ROBO1: variants seen among roughly 807,000 people sequenced by gnomAD.
ROBO1 encodes the protein roundabout guidance receptor 1, also known as roundabout homolog 1.
A neutral mutation model predicts 195.9 loss-of-function variants in ROBO1; 149 were observed. The observed-to-expected ratio is 0.76, with a 90% CI of 0.67 to 0.87. ROBO1 has a LOEUF of 0.87. Among genes scored for constraint, ROBO1 ranks in the 40% least tolerant of loss-of-function variants. ROBO1 has a pLI of 0.00. For synonymous variants in ROBO1, 816 were observed against 733.2 expected (o/e 1.11, Z -1.82); for missense variants, 1,933 against 2,068.3 (o/e 0.93, Z 1.27).
chr3:79,269,561 A>T (rs1003422931), intron 2 of ROBO1, among the ~76,000 whole-genome samples: 1 of 151,688 alleles, frequency 6.6e-6, no homozygotes, highest in African/African-American at 2.4e-5. Context: ...TGATACTGTG[A>T]ATATTGGTTC....
intron 2 of ROBO1, among the ~76,000 whole-genome samples, chr3:79,457,010 T>A (rs1461129877): frequency 1.3e-5 from 2 of 152,152 alleles, no homozygotes; most frequent in African/African-American, 4.8e-5. Flanking sequence ...CTTAAAATAT[T>A]TGTACTCCGA....
At chr3:78,828,584 G>T (rs964767149) in intron 4 of ROBO1, among the ~76,000 whole-genome samples, 3 of 152,150 alleles carry the variant, frequency 2.0e-5, no homozygotes, top group Non-Finnish European at 4.4e-5. Flanking sequence ...ACAAAGAAAT[G>T]AAAATTTTCT....
chr3:78,683,247 G>T (rs2080973477), intron 10 of ROBO1, among the ~76,000 whole-genome samples: 1 of 151,922 alleles, frequency 6.6e-6, no homozygotes, highest in Non-Finnish European at 1.5e-5. Context: ...AGAAATTAAA[G>T]ACCTAAATAA....
In ROBO1 at chr3:78,657,276, G is replaced by A; in HGVS notation, c.2443-7C>T. The stretch of plus-strand genomic sequence containing the variant: ...CATTGCCCAGACACCAAACCTGTAA[G>A]AAGCACATCACAAAAATCAAGCTGG... On this transcript the variant is annotated splice_region_variant and splice_polypyrimidine_tract_variant and intron_variant, in intron 17 of 30. Transcript: ENST00000464233. 1 of 1,612,854 alleles carries A rather than the reference G, an allele frequency of 6.2e-7. No homozygotes were observed. Among genetic ancestry groups the A allele is most frequent in the Non-Finnish European group, 8.5e-7 (1 of 1,179,394 alleles).
intron 28 of ROBO1, among the ~76,000 whole-genome samples, chr3:78,608,103 CTT>C (rs1242877486): frequency 6.6e-6 from 1 of 151,572 alleles, no homozygotes; most frequent in African/African-American, 2.4e-5. Context: ...TATAATGTAA[CTT>C]ATATAATTTA....
rs1236511489 is a variant in ROBO1 at position 79,233,765 on chromosome 3, T to C, written c.89-108226A>G. ...TTATCTGAGAAATCTCCCAACTCCT[T>C]TCTGCTCTCCACAGTGGCTGAACTA... On this transcript the variant is annotated intron_variant, in intron 2 of 30. Coordinates refer to ENST00000464233, the MANE Select transcript of ROBO1 (RefSeq NM_002941.4). Among the ~76,000 whole-genome samples, 4 of 152,202 alleles carry C rather than the reference T, an allele frequency of 2.6e-5. No homozygotes were observed. In the East Asian group the frequency reaches 7.7e-4, roughly 29 times the overall value.
chr3:78,979,253 G>C (rs2076942648), intron 3 of ROBO1, among the ~76,000 whole-genome samples: 1 of 152,134 alleles, frequency 6.6e-6, no homozygotes, highest in Non-Finnish European at 1.5e-5. Flanking sequence ...GGTCAAGCCA[G>C]CTCAGCCTAC....
intron 1 of ROBO1, among the ~76,000 whole-genome samples, chr3:79,685,070 G>A (rs1004192039): frequency 5.3e-5 from 8 of 152,062 alleles, no homozygotes; most frequent in Non-Finnish European, 1.0e-4. Flanking sequence ...GGTAGTTTCC[G>A]TTTATTTGTA....
At chr3:79,406,304 C>T (rs796614617) in intron 2 of ROBO1, among the ~76,000 whole-genome samples, 2 of 151,568 alleles carry the variant, frequency 1.3e-5, no homozygotes, top group Admixed American at 6.6e-5. Flanking sequence ...GGTACATGTC[C>T]GTAGTCCCAT....
chr3:79,114,546 T>A (rs187139937), intron 3 of ROBO1, among the ~76,000 whole-genome samples: 16 of 152,298 alleles, frequency 1.1e-4, no homozygotes, highest in Non-Finnish European at 2.1e-4. Flanking sequence ...CTTAGGCTCA[T>A]AGATCTTGGT....
At chr3:79,318,731 C>T (rs2033846409) in intron 2 of ROBO1, among the ~76,000 whole-genome samples, 1 of 152,150 alleles carries the variant, frequency 6.6e-6, no homozygotes, top group South Asian at 2.1e-4. Context: ...GACACATATA[C>T]ATCTAGACAC....
intron 4 of ROBO1, among the ~76,000 whole-genome samples, chr3:78,849,693 G>T (rs973664559): frequency 1.1e-4 from 17 of 151,828 alleles, no homozygotes; most frequent in Non-Finnish European, 1.8e-4. Context: ...AAAGAGATTT[G>T]ACAGGAGGTT....
chr3:78,838,270 C>A (rs2032909277), intron 4 of ROBO1, among the ~76,000 whole-genome samples: 1 of 152,134 alleles, frequency 6.6e-6, no homozygotes, highest in Admixed American at 6.5e-5. Context: ...TAATTAAAGG[C>A]CAGGTTGGCA....
chr3:78,644,950 C>A (rs756824192), intron 21 of ROBO1, among the ~76,000 whole-genome samples: 1 of 152,116 alleles, frequency 6.6e-6, no homozygotes, highest in Non-Finnish European at 1.5e-5. Context: ...GATTCACCCA[C>A]GAGAAAATGT....
Position 79,508,666 on chromosome 3 carries a change from G to T in ROBO1, c.88+81158C>A, listed in dbSNP as rs114797962. Among the ~76,000 whole-genome samples the T allele has an allele frequency of 2.5e-3, 386 of 152,202 alleles. 3 individuals are homozygous for T. Among genetic ancestry groups the T allele is most frequent in the African/African-American group, 9.0e-3 (375 of 41,542 alleles). ...TTTGATTAAAATTTGTGTTAGTATT[G>T]TAAAACAGAATGCAGGATCTGGCAT... On this transcript the variant is annotated intron_variant, in intron 2 of 30. Transcript: ENST00000464233.
chr3:79,448,630 GAT>G (rs1210725205), intron 2 of ROBO1, among the ~76,000 whole-genome samples: 1 of 152,072 alleles, frequency 6.6e-6, no homozygotes, highest in Non-Finnish European at 1.5e-5. Flanking sequence ...TCCTCACCGC[GAT>G]ATGAGCTTGA....
chr3:79,745,131 A>G (rs1703818411), intron 1 of ROBO1, among the ~76,000 whole-genome samples: 1 of 152,158 alleles, frequency 6.6e-6, no homozygotes, highest in Non-Finnish European at 1.5e-5. Flanking sequence ...TACAGCTTAC[A>G]TCCATTAACC....
At chr3:78,785,804 G>A (rs760612450) in intron 4 of ROBO1, among the ~76,000 whole-genome samples, 10 of 152,096 alleles carry the variant, frequency 6.6e-5, no homozygotes, top group Non-Finnish European at 1.5e-4. Flanking sequence ...ATTTAGTTTT[G>A]TTTTGCAAGT....
At chr3:78,824,016 C>T (rs2031320151) in intron 4 of ROBO1, among the ~76,000 whole-genome samples, 1 of 152,090 alleles carries the variant, frequency 6.6e-6, no homozygotes, top group Non-Finnish European at 1.5e-5. Context: ...ACATTAATGA[C>T]AGGTATGACT....
Sources: allele counts gnomAD v4.1 joint callset (sites outside exome capture counted in the v4.1 genomes callset), GRCh38; gene constraint gnomAD v4.1.1; transcripts MANE v1.5; gene names NCBI Gene and HGNC (gene_info 2026-07-23, HGNC 2026-07-21).